Variants in TEX26 observed in about 807,000 individuals in gnomAD.
TEX26 encodes the protein testis-expressed protein 26.
In TEX26, 34 loss-of-function variants were observed where a neutral mutation model predicts 35.3. That is an observed-to-expected ratio of 0.96 (90% CI 0.73 to 1.28). The LOEUF is 1.28. Ranked by LOEUF, TEX26 falls within the 50% of genes most tolerant of loss-of-function variation. The pLI is 0.00. For synonymous variants in TEX26, 136 were observed against 111.8 expected, an observed-to-expected ratio of 1.22 and a Z score of -1.36; for missense variants, 371 against 330.1, an observed-to-expected ratio of 1.12 and a Z score of -0.96.
At chr13:30,944,308 T>C (rs981926658) in intron 2 of TEX26, among the ~76,000 whole-genome samples, 43 of 151,970 alleles carry the variant, frequency 2.8e-4, no homozygotes, top group African/African-American at 1.0e-3. Flanking sequence ...GAAATGTCTC[T>C]AGTTCCATTT....
At chr13:30,943,118 T>G (rs1013914945) in intron 2 of TEX26, among the ~76,000 whole-genome samples, 1 of 152,178 alleles carries the variant, frequency 6.6e-6, no homozygotes, top group South Asian at 2.1e-4. Context: ...TTCTGATCCA[T>G]GAAACACATC....
intron 1 of TEX26, among the ~76,000 whole-genome samples, chr13:30,938,327 G>A (rs1171681139): frequency 1.3e-5 from 2 of 152,310 alleles, no homozygotes; most frequent in Non-Finnish European, 2.9e-5. Context: ...ATTTTCTGTT[G>A]TTGTTGTAAC....
intron 2 of TEX26, among the ~76,000 whole-genome samples, chr13:30,941,269 A>G (rs1205609478): frequency 6.6e-6 from 1 of 152,192 alleles, no homozygotes; most frequent in African/African-American, 2.4e-5. Context: ...AGGCTACAAG[A>G]TTCCAGATTT....
intron 6 of TEX26, among the ~76,000 whole-genome samples, chr13:30,970,713 C>T (rs984638119): frequency 2.6e-5 from 4 of 152,156 alleles, no homozygotes; most frequent in Non-Finnish European, 5.9e-5. Context: ...TCATGGAAAC[C>T]ATGGTGTCTG....
chr13:30,966,238 A>G lies in TEX26; in HGVS notation c.486A>G (p.Lys162=). The G allele has an allele frequency of 1.2e-6, 2 of 1,614,006 alleles. No individual in the cohort carries two copies. Among genetic ancestry groups the G allele is most frequent in the Non-Finnish European group, 1.7e-6 (2 of 1,179,996 alleles). The change falls in exon 5 of 7, where the codon AAA becomes AAG. Residue 162 remains lysine (K), a synonymous_variant. Coordinates refer to ENST00000380473, the MANE Select transcript of TEX26 (RefSeq NM_152325.3). ...VDRSKAQKIK[K]SSHLSLEWKK... ...CCACCCCAGCTCAGAAGATTAAGAA[A>G]AGTTCTCACTTGTCTCTGGAATGGA...
Position 30,952,643 on chromosome 13 carries a change from G to T in TEX26, c.147-17G>T, listed in dbSNP as rs1004641820. 8.3e-6 allele frequency: 13 copies of T among 1,558,390 alleles called. No homozygotes were observed. In the African/African-American group the frequency reaches 1.7e-4, roughly 20 times the overall value. Reference sequence around the variant, plus strand: ...TATTTAACCTCTAACTCTAATTTCTGCTGGGTTTTTTTATAGCCAAAACGG... The same window carrying T: ...TATTTAACCTCTAACTCTAATTTCTTCTGGGTTTTTTTATAGCCAAAACGG... On this transcript the variant is annotated splice_polypyrimidine_tract_variant and intron_variant, in intron 2 of 6. Transcript: ENST00000380473.
intron 4 of TEX26, among the ~76,000 whole-genome samples, chr13:30,964,713 A>G (rs971384424): frequency 1.1e-4 from 17 of 152,250 alleles, no homozygotes; most frequent in African/African-American, 3.9e-4. Context: ...AGCCAAGAGC[A>G]TAGTACTGGC....
At chr13:30,966,774 T>A (rs1268045205) in intron 5 of TEX26, among the ~76,000 whole-genome samples, 1 of 152,092 alleles carries the variant, frequency 6.6e-6, no homozygotes, top group Non-Finnish European at 1.5e-5. Context: ...ACCTCATAGA[T>A]CTTAACCCCT....
At chr13:30,933,568 A>G (rs1953154053) in intron 1 of TEX26, 2 of 152,252 alleles carry the variant, frequency 1.3e-5, no homozygotes, top group South Asian at 4.1e-4. Context: ...GGATTGTTCA[A>G]GTACAAATTC....
chr13:30,956,873 G>T lies in TEX26; in HGVS notation c.313G>T (p.Asp105Tyr). 3 of 1,613,670 alleles carry T rather than the reference G, an allele frequency of 1.9e-6. No homozygotes were observed. Among genetic ancestry groups the T allele is most frequent in the Non-Finnish European group, 2.5e-6 (3 of 1,179,740 alleles). ...IKSHKSHLNEDIFLWTLPHCQ... is the reference protein window; with the variant it reads ...IKSHKSHLNEYIFLWTLPHCQ... ...TTGAAAATTATGTTTGCTTTGATAG[G>T]ACATTTTCCTGTGGACACTACCTCA... The change falls in exon 4 of 7, where the codon GAC becomes TAC. Residue 105 changes from aspartate (D) to tyrosine (Y), a missense_variant and splice_region_variant. By Grantham distance (160) the Asp-to-Tyr change is radical. Transcript: ENST00000380473.
At chr13:30,952,595 A>T in intron 2 of TEX26, 65 bp from the exon 3 acceptor site, 1 of 1,312,272 alleles carries the variant, frequency 7.6e-7, no homozygotes, top group Non-Finnish European at 1.0e-6. Context: ...ATGATTTGAC[A>T]TGTGTACTTT....
chr13:30,955,933 G>A (rs553718679), intron 3 of TEX26, among the ~76,000 whole-genome samples: 1 of 152,294 alleles, frequency 6.6e-6, no homozygotes, highest in Admixed American at 6.5e-5. Flanking sequence ...CAGGGAAATA[G>A]GAAGCAAGAT....
chr13:30,935,293 G>T (rs1489947568), intron 1 of TEX26, among the ~76,000 whole-genome samples: 1 of 152,212 alleles, frequency 6.6e-6, no homozygotes, highest in Non-Finnish European at 1.5e-5. Flanking sequence ...CCCCAGTAAG[G>T]CCCCACCCTC....
rs568385330 is a variant in TEX26 at position 30,970,357 on chromosome 13, T to C, written c.808+1311T>C. ...CTGAGACAGGAGTATACATTTTCTGTTGAGATAAAGGAACATGGAGTGAGT... is the reference window on the plus strand; with the variant it reads ...CTGAGACAGGAGTATACATTTTCTGCTGAGATAAAGGAACATGGAGTGAGT... On this transcript the variant is annotated intron_variant, in intron 6 of 6. Coordinates refer to ENST00000380473, the MANE Select transcript of TEX26 (RefSeq NM_152325.3). Among the ~76,000 whole-genome samples, 3 of 152,098 alleles carry C rather than the reference T, an allele frequency of 2.0e-5. No homozygotes were observed. In the South Asian group the frequency reaches 6.2e-4, roughly 32 times the overall value.
At chr13:30,957,978 C>G (rs1040232020) in intron 4 of TEX26, among the ~76,000 whole-genome samples, 2 of 152,152 alleles carry the variant, frequency 1.3e-5, no homozygotes, top group African/African-American at 4.8e-5. Context: ...GAAGTGAGGG[C>G]CATTTTATTC....
At chr13:30,945,867 T>C in intron 2 of TEX26, among the ~76,000 whole-genome samples, 1 of 151,886 alleles carries the variant, frequency 6.6e-6, no homozygotes, top group East Asian at 1.9e-4. Context: ...CTGATGCTTT[T>C]GTCTCATTTG....
intron 5 of TEX26, among the ~76,000 whole-genome samples, chr13:30,967,405 C>T (rs1235951200): frequency 2.6e-5 from 4 of 152,198 alleles, no homozygotes; most frequent in Non-Finnish European, 2.9e-5. Flanking sequence ...CATCCCCCTT[C>T]GTTGTCTGAT....
At position 30,966,324 on chromosome 13, in the gene TEX26, A is replaced by T; in HGVS notation, c.572A>T (p.Lys191Ile). 1 of 1,614,110 alleles carries T rather than the reference A, an allele frequency of 6.2e-7. No homozygotes were observed. The highest frequency in any genetic ancestry group is 1.1e-5 in the South Asian group (1 of 91,076). The stretch of plus-strand genomic sequence containing the variant: ...CGAAGGAATTACCAAATTCCAGCTA[A>T]AATTCCTGAGCTTCAAGATTTCAGT... ...EFRRNYQIPA[K>I]IPELQDFSFK... Residue 191 changes from lysine to isoleucine, a missense_variant, in exon 5 of 7, where the codon AAA (lysine) becomes ATA (isoleucine). Coordinates refer to ENST00000380473, the MANE Select transcript of TEX26 (RefSeq NM_152325.3).
At chr13:30,964,897 C>T (rs542959084) in intron 4 of TEX26, among the ~76,000 whole-genome samples, 2 of 152,324 alleles carry the variant, frequency 1.3e-5, no homozygotes, top group Admixed American at 6.5e-5. Flanking sequence ...GGGCAGAGTG[C>T]CCATGACCCA....
Sources: allele counts gnomAD v4.1 joint callset (sites outside exome capture counted in the v4.1 genomes callset), GRCh38; gene constraint gnomAD v4.1.1; transcripts MANE v1.5; gene names NCBI Gene and HGNC (gene_info 2026-07-23, HGNC 2026-07-21).